Variants in CMYA5 observed in about 807,000 individuals in gnomAD.
CMYA5 encodes cardiomyopathy associated 5.
In CMYA5, 246 loss-of-function variants were observed where a neutral mutation model predicts 318.9. The ratio of observed to expected loss-of-function variants is 0.77; its 90% confidence interval spans 0.70 to 0.86. The LOEUF is 0.86. Among genes scored for constraint, CMYA5 ranks in the 40% least tolerant of loss-of-function variants. The pLI is 0.00. For missense variants in CMYA5, 4,589 were observed against 4,678.2 expected, an observed-to-expected ratio of 0.98 and a Z score of 0.56; for synonymous variants, 1,641 against 1,729.5, an observed-to-expected ratio of 0.95 and a Z score of 1.27.
In CMYA5 at chr5:79,763,100, G is replaced by C; in HGVS notation, c.11446G>C (p.Val3816Leu). ...TPVIRAEDCT[V>L]CWNTATIRWR... ...TGTGATCCGCGCTGAGGACTGTACT[G>C]TGTGTTGGAACACAGCCACTATCCG... Residue 3816 changes from valine to leucine, a missense_variant, in exon 9 of 13, where the codon GTG becomes CTG. Val to Leu is a conservative substitution (Grantham distance 32). Transcript: ENST00000446378. 6.2e-7 allele frequency: 1 copy of C among 1,613,850 alleles called. No homozygotes were observed. The highest frequency in any genetic ancestry group is 1.1e-5 in the South Asian group (1 of 91,060).
chr5:79,712,168 G>T (rs1206140816), intron 1 of CMYA5, among the ~76,000 whole-genome samples: 1 of 152,142 alleles, frequency 6.6e-6, no homozygotes. Flanking sequence ...TTCATCCCAG[G>T]AGCATCTGCT....
In CMYA5 at chr5:79,799,437, A is replaced by G. The variant is rs1254976385; in HGVS notation, c.12031A>G (p.Ile4011Val). Residue 4011 changes from isoleucine (I) to valine (V), a missense_variant, in exon 13 of 13, where the codon ATC becomes GTC. Coordinates refer to ENST00000446378, the MANE Select transcript of CMYA5 (RefSeq NM_153610.5). ...HVTERPARVG[I>V]LLDYNNQRLI... is the part of the protein sequence containing the mutation. ...GACTGAGCGTCCAGCCAGAGTGGGC[A>G]TCCTGCTGGACTACAACAACCAGAG... 6.2e-7 allele frequency: 1 copy of G among 1,613,934 alleles called. No individual in the cohort carries two copies. Among genetic ancestry groups the G allele is most frequent in the Non-Finnish European group, 8.5e-7 (1 of 1,179,806 alleles).
intron 1 of CMYA5, among the ~76,000 whole-genome samples, chr5:79,703,750 A>G (rs1272011144): frequency 6.6e-6 from 1 of 152,194 alleles, no homozygotes; most frequent in Non-Finnish European, 1.5e-5. Context: ...GATCTAGTCA[A>G]CTTTATTTTG....
chr5:79,775,321 A>G (rs1445849135), intron 9 of CMYA5, among the ~76,000 whole-genome samples: 1 of 152,226 alleles, frequency 6.6e-6, no homozygotes, highest in Non-Finnish European at 1.5e-5. Flanking sequence ...AAACCCAATC[A>G]GTTCCTTCAC....
At chr5:79,767,948 G>A (rs1828784594) in intron 9 of CMYA5, among the ~76,000 whole-genome samples, 1 of 152,120 alleles carries the variant, frequency 6.6e-6, no homozygotes. Context: ...CTCTTTGTAG[G>A]TCTCTAAGAA....
At chr5:79,726,548 A>G (rs1827751463) in intron 1 of CMYA5, among the ~76,000 whole-genome samples, 1 of 152,204 alleles carries the variant, frequency 6.6e-6, no homozygotes, top group South Asian at 2.1e-4. Flanking sequence ...GGGGAAGTGG[A>G]GAGACTACTT....
chr5:79,756,524 TG>T (rs1828533512), intron 6 of CMYA5, among the ~76,000 whole-genome samples: 1 of 152,210 alleles, frequency 6.6e-6, no homozygotes, highest in Non-Finnish European at 1.5e-5. Flanking sequence ...ATTTTAAAGA[TG>T]GGGAAACTGA....
rs368525698 is a variant in CMYA5 at position 79,736,693 on chromosome 5, G to A, written c.7928G>A (p.Arg2643His). The change falls in exon 2 of 13, where the codon CGT becomes CAT. Residue 2643 changes from arginine to histidine, a missense_variant. This residue lies in a region of CMYA5 where 2,431 missense variants were observed against 2,495.1 expected (regional missense o/e 0.97). Coordinates refer to ENST00000446378, the MANE Select transcript of CMYA5 (RefSeq NM_153610.5). ...KTFLPVALSCRDEIENHSLSQ... is the reference protein window; with the variant it reads ...KTFLPVALSCHDEIENHSLSQ... ...TTCCTGCCGGTGGCTCTTTCTTGTC[G>A]TGATGAAATAGAGAACCACTCTTTA... 124 of 1,609,792 alleles carry A rather than the reference G, an allele frequency of 7.7e-5. No homozygotes were observed. The African/African-American group carries it at 1.1e-3, about 14-fold the overall frequency.
rs1828029491 is a variant in CMYA5 at position 79,735,267 on chromosome 5, G to A, written c.6502G>A (p.Glu2168Lys). The change falls in exon 2 of 13, where the codon GAG (glutamate) becomes AAG (lysine). Residue 2168 changes from glutamate (E) to lysine (K), a missense_variant. Physicochemically the swap from Glu to Lys is moderately conservative, Grantham distance 56. Coordinates refer to ENST00000446378, the MANE Select transcript of CMYA5 (RefSeq NM_153610.5). ...QPKVAKPDLP[E>K]EKGKKGISSF... ...AAAGGTGGCTAAGCCGGACCTTCCTGAGGAAAAGGGAAAGAAAGGAATTTC... is the reference window on the plus strand; with the variant it reads ...AAAGGTGGCTAAGCCGGACCTTCCTAAGGAAAAGGGAAAGAAAGGAATTTC... The A allele has an allele frequency of 1.2e-6, 2 of 1,613,842 alleles. No individual in the cohort carries two copies. The highest frequency in any genetic ancestry group is 1.7e-6 in the Non-Finnish European group (2 of 1,179,808).
intron 9 of CMYA5, chr5:79,774,441 T>A (rs1828904826): frequency 6.6e-6 from 1 of 152,294 alleles, no homozygotes; most frequent in Non-Finnish European, 1.5e-5. Context: ...TCAGCTGTTC[T>A]GTCTCTCCTG....
chr5:79,790,163 A>G (rs1055056317), intron 10 of CMYA5, among the ~76,000 whole-genome samples: 1 of 152,074 alleles, frequency 6.6e-6, no homozygotes, highest in African/African-American at 2.4e-5. Context: ...ATGTTTATGA[A>G]GAGAAGATGC....
At chr5:79,768,619 G>A (rs1561225414) in intron 9 of CMYA5, among the ~76,000 whole-genome samples, 1 of 152,102 alleles carries the variant, frequency 6.6e-6, no homozygotes, top group Non-Finnish European at 1.5e-5. Flanking sequence ...TTGAATATTG[G>A]CCCCCACTCT....
At chr5:79,699,879 G>A (rs1827142115) in intron 1 of CMYA5, among the ~76,000 whole-genome samples, 1 of 152,208 alleles carries the variant, frequency 6.6e-6, no homozygotes, top group African/African-American at 2.4e-5. Context: ...GACCCCTAGT[G>A]CATTTACATA....
rs1231692133 is a variant in CMYA5 at position 79,734,236 on chromosome 5, C to T, written c.5471C>T (p.Thr1824Ile). ...PSDLLVEQKK[T>I]EKALHSDQTV... ...GACCTCCTTGTAGAACAAAAAAAGACAGAAAAAGCACTTCATTCAGATCAA... is the reference window on the plus strand; with the variant it reads ...GACCTCCTTGTAGAACAAAAAAAGATAGAAAAAGCACTTCATTCAGATCAA... The change falls in exon 2 of 13, where the codon ACA becomes ATA. Residue 1824 changes from threonine (T) to isoleucine (I), a missense_variant. Thr to Ile is a moderately conservative substitution (Grantham distance 89). Transcript: ENST00000446378. 2 of 1,613,482 alleles carry T rather than the reference C, an allele frequency of 1.2e-6. No homozygotes were observed. The highest frequency in any genetic ancestry group is 3.3e-5 in the Admixed American group (2 of 59,916).
chr5:79,760,712 A>T (rs1828634710), intron 7 of CMYA5, among the ~76,000 whole-genome samples: 1 of 152,208 alleles, frequency 6.6e-6, no homozygotes, highest in Non-Finnish European at 1.5e-5. Flanking sequence ...CAACACTGGG[A>T]ATTACAATTC....
chr5:79,733,699 TA>T lies in CMYA5; in HGVS notation c.4935del (p.Gly1646ValfsTer7). 6.2e-7 allele frequency: 1 copy of T among 1,613,890 alleles called. No homozygotes were observed. Among genetic ancestry groups the T allele is most frequent in the Non-Finnish European group, 8.5e-7 (1 of 1,179,834 alleles). On this transcript the variant is annotated frameshift_variant, in exon 2 of 13. Coordinates refer to ENST00000446378, the MANE Select transcript of CMYA5 (RefSeq NM_153610.5). LOFTEE classifies it high-confidence loss of function. ...GCTGGGTCAGAATTTTCTAGTGATT[TA>T]GGTAGACAAAGTGGATCCATAGGTA... is the stretch of plus-strand genomic sequence containing the variant. ...PNAGSEFSSDLGRQSGSIGTK... is the reference protein window; with the variant it reads ...PNAGSEFSSDXGRQSGSIGTK...
At chr5:79,773,073 G>T (rs972701719) in intron 9 of CMYA5, among the ~76,000 whole-genome samples, 2 of 152,182 alleles carry the variant, frequency 1.3e-5, no homozygotes, top group Admixed American at 1.3e-4. Context: ...AATGGATAAA[G>T]TTACTTGGTC....
At chr5:79,725,727 A>C (rs181012441) in intron 1 of CMYA5, among the ~76,000 whole-genome samples, 23 of 152,318 alleles carry the variant, frequency 1.5e-4, no homozygotes, top group Admixed American at 1.3e-3. Context: ...ACATGGTGAA[A>C]TCTCGTCTCT....
chr5:79,700,781 T>C (rs1483819675), intron 1 of CMYA5, among the ~76,000 whole-genome samples: 2 of 152,074 alleles, frequency 1.3e-5, no homozygotes, highest in Non-Finnish European at 2.9e-5. Flanking sequence ...CTGGAGATCA[T>C]TACGTTAAGG....
Sources: gnomAD v4.1 joint callset for allele counts (sites outside exome capture counted in the v4.1 genomes callset) on GRCh38, gnomAD v4.1.1 for gene constraint, gnomAD v4.1.1 regional missense constraint, MANE v1.5 for transcripts, NCBI Gene and HGNC (gene_info 2026-07-23, HGNC 2026-07-21) for gene names.